The following COL12A1 variants were observed in gnomAD, a reference collection of about 807,000 sequenced individuals.
The protein encoded by COL12A1 is collagen alpha-1(XII) chain.
COL12A1 carries 114 observed loss-of-function variants against 349.7 expected under a neutral mutation model. That is an observed-to-expected ratio of 0.33 (90% CI 0.28 to 0.38). The LOEUF (loss-of-function observed/expected upper bound fraction) is 0.38, where lower values mean the gene tolerates loss of function less well. Among genes scored for constraint, COL12A1 ranks in the 10% least tolerant of loss-of-function variants. The pLI, the probability that COL12A1 is intolerant of heterozygous loss-of-function variation, is 1.00. For synonymous variants in COL12A1, 1,369 were observed against 1,329.0 expected, an observed-to-expected ratio of 1.03 and a Z score of -0.66; for missense variants, 3,284 against 3,756.9, an observed-to-expected ratio of 0.87 and a Z score of 3.29.
intron 64 of COL12A1, 91 bp downstream of exon 64, chr6:75,089,015 G>T: frequency 1.7e-5 from 15 of 902,600 alleles, no homozygotes; most frequent in South Asian, 4.7e-5. Flanking sequence ...ACAAAAAAAA[G>T]AATAACAGGA....
chr6:75,165,378 T>C (rs1768237966), intron 14 of COL12A1, 129 bp downstream of exon 14: 1 of 1,252,588 alleles, frequency 8.0e-7, no homozygotes, highest in Non-Finnish European at 1.1e-6. Flanking sequence ...TCTTTAAAGA[T>C]CCTAATTCCT....
At chr6:75,184,168 G>A in intron 8 of COL12A1, 24 bp from the exon 9 acceptor site, 1 of 1,605,962 alleles carries the variant, frequency 6.2e-7, no homozygotes, top group Non-Finnish European at 8.5e-7. Flanking sequence ...AGCAGACAGT[G>A]ATTAATAACA....
chr6:75,127,147 A>G (rs1766060674), intron 38 of COL12A1, among the ~76,000 whole-genome samples: 1 of 152,158 alleles, frequency 6.6e-6, no homozygotes, highest in African/African-American at 2.4e-5. Flanking sequence ...TCCAAGATCT[A>G]GTTAAAAAAA....
rs183918103 is a variant in COL12A1 at position 75,091,378 on chromosome 6, A to C, written c.8697T>G (p.Ala2899=). ...CAACTGCTCGCATCATGTTCTGGGAAGCAATGTCTCCCTTGTTGAATTAAT... is the reference window on the plus strand; with the variant it reads ...CAACTGCTCGCATCATGTTCTGGGACGCAATGTCTCCCTTGTTGAATTAAT... The part of the protein sequence containing the change: ...KGEKGDRGDI[A]SQNMMRAVAR... The change falls in exon 62 of 66, where the codon GCT becomes GCG. Residue 2899 remains alanine, a synonymous_variant. Transcript: ENST00000322507. 8.1e-6 allele frequency: 13 copies of C among 1,613,872 alleles called. No individual in the cohort carries two copies. The East Asian group carries it at 2.9e-4, about 36-fold the overall frequency.
intron 2 of COL12A1, among the ~76,000 whole-genome samples, chr6:75,196,790 G>A (rs181343067): frequency 2.0e-4 from 30 of 152,260 alleles, no homozygotes; most frequent in African/African-American, 7.0e-4. Context: ...ATCAGTACAT[G>A]GAAAAACAGT....
intron 10 of COL12A1, 83 bp from the exon 11 acceptor site, chr6:75,181,294 T>C: frequency 7.5e-7 from 1 of 1,333,400 alleles, no homozygotes; most frequent in Non-Finnish European, 1.0e-6. Flanking sequence ...GTTTATAAAA[T>C]GGCTTACATT....
chr6:75,135,213 C>G (rs1766530778), intron 31 of COL12A1, among the ~76,000 whole-genome samples: 1 of 152,208 alleles, frequency 6.6e-6, no homozygotes, highest in East Asian at 1.9e-4. Flanking sequence ...AGATATGAAA[C>G]AATTGCATAA....
rs1766671344 is a variant in COL12A1, at chr6:75,137,419, T to A, written c.5394+18A>T. On this transcript the variant is annotated intron_variant, in intron 31 of 65. Coordinates refer to ENST00000322507, the MANE Select transcript of COL12A1 (RefSeq NM_004370.6). ...ATGGTAGAATTAATCCAAGTTATAA[T>A]TTTTATTAAAAAATTACCGTTTGCT... The A allele has an allele frequency of 2.6e-6, 4 of 1,549,736 alleles. No homozygotes were observed. Among genetic ancestry groups the A allele is most frequent in the Non-Finnish European group, 3.5e-6 (4 of 1,149,758 alleles).
intron 27 of COL12A1, among the ~76,000 whole-genome samples, chr6:75,140,513 G>A (rs112628915): frequency 0.011 from 1,603 of 151,994 alleles, 26 homozygotes; most frequent in African/African-American, 0.037. Context: ...AAAATTAGCC[G>A]GGCATTGTGG....
At chr6:75,198,642 AT>A (rs1293794395) in intron 2 of COL12A1, among the ~76,000 whole-genome samples, 2 of 152,106 alleles carry the variant, frequency 1.3e-5, no homozygotes, top group African/African-American at 4.8e-5. Context: ...TTTTTGAAAC[AT>A]TTTTAATAGG....
At chr6:75,181,927 C>CAAAAAAAAAAAAAAAAAA (rs547248236) in intron 10 of COL12A1, among the ~76,000 whole-genome samples, 35 of 139,228 alleles carry the variant, frequency 2.5e-4, no homozygotes, top group African/African-American at 9.3e-4. Context: ...CCGTCTCTAC[C>CAAAAAAAAAAAAAAAAAA]AAAAAAAAAA....
chr6:75,097,465 A>C (rs1394662090), intron 58 of COL12A1, among the ~76,000 whole-genome samples, 159 bp from the exon 59 acceptor site: 2 of 152,198 alleles, frequency 1.3e-5, no homozygotes, highest in African/African-American at 4.8e-5. Flanking sequence ...ACAGCAAAAA[A>C]AATAAAATTA....
At chr6:75,121,216 T>G (rs920250828) in intron 44 of COL12A1, 86 bp downstream of exon 44, 1 of 1,281,168 alleles carries the variant, frequency 7.8e-7, no homozygotes, top group Non-Finnish European at 1.0e-6. Flanking sequence ...AGAGTTTATA[T>G]TGAAAAGACT....
chr6:75,149,872 C>T (rs1020441059), intron 21 of COL12A1, among the ~76,000 whole-genome samples: 2 of 152,090 alleles, frequency 1.3e-5, no homozygotes, highest in Non-Finnish European at 2.9e-5. Flanking sequence ...ATGTTTTCAT[C>T]CCACTCAAAG....
At chr6:75,152,078 C>A (rs752195235) in intron 19 of COL12A1, 47 bp from the exon 20 acceptor site, 1 of 1,613,704 alleles carries the variant, frequency 6.2e-7, no homozygotes, top group Admixed American at 1.7e-5. Context: ...CATTCAGCCA[C>A]AAACCTTAAC....
chr6:75,096,278 G>A (rs1206647829), intron 59 of COL12A1, among the ~76,000 whole-genome samples: 1 of 152,084 alleles, frequency 6.6e-6, no homozygotes, highest in Non-Finnish European at 1.5e-5. Context: ...TACTTAACAT[G>A]AAAGTTTGCT....
chr6:75,131,405 G>A (rs1381800740), intron 35 of COL12A1, among the ~76,000 whole-genome samples: 3 of 152,088 alleles, frequency 2.0e-5, no homozygotes, highest in East Asian at 1.9e-4. Context: ...TACCATACAT[G>A]GGCATGAAAA....
chr6:75,092,576 T>A (rs1185125485), intron 60 of COL12A1, among the ~76,000 whole-genome samples: 1 of 151,540 alleles, frequency 6.6e-6, no homozygotes, highest in African/African-American at 2.4e-5. Flanking sequence ...TCTAAATCAT[T>A]GACAAATCAC....
At chr6:75,088,720 T>C (rs966250531) in intron 64 of COL12A1, among the ~76,000 whole-genome samples, 4 of 152,004 alleles carry the variant, frequency 2.6e-5, no homozygotes, top group African/African-American at 9.7e-5. Context: ...AGGATGAAGT[T>C]GGCTGGGAGC....
Sources: allele counts gnomAD v4.1 joint callset (sites outside exome capture counted in the v4.1 genomes callset), GRCh38; gene constraint gnomAD v4.1.1; transcripts MANE v1.5; gene names NCBI Gene and HGNC (gene_info 2026-07-23, HGNC 2026-07-21).